The following ABCA5 variants were observed in gnomAD, a reference collection of about 807,000 sequenced individuals.
ABCA5 encodes cholesterol transporter ABCA5.
Under a neutral mutation model 206.0 loss-of-function variants are expected in ABCA5, and 163 were observed. The ratio of observed to expected loss-of-function variants is 0.79; its 90% CI spans 0.70 to 0.90. The LOEUF is 0.90. Among genes scored for constraint, ABCA5 ranks in the 40% least tolerant of loss-of-function variants. The pLI is 0.00. For synonymous variants in ABCA5, 609 were observed against 613.8 expected, an observed-to-expected ratio of 0.99 and a Z score of 0.11; for missense variants, 1,859 against 1,912.9, an observed-to-expected ratio of 0.97 and a Z score of 0.53.
chr17:69,279,321 AC>A, intron 18 of ABCA5, among the ~76,000 whole-genome samples: 1 of 152,270 alleles, frequency 6.6e-6, no homozygotes, highest in Non-Finnish European at 1.5e-5. Context: ...AATCCAACTT[AC>A]GAGGGATGTG....
chr17:69,255,848 T>G lies in ABCA5; in HGVS notation c.3861A>C (p.Lys1287Asn). 1 of 1,546,570 alleles carries G rather than the reference T, an allele frequency of 6.5e-7. No individual in the cohort carries two copies. The highest frequency in any genetic ancestry group is 8.7e-7 in the Non-Finnish European group (1 of 1,146,252). Residue 1287 changes from lysine to asparagine, a missense_variant and splice_region_variant, in exon 30 of 39, where the codon AAA becomes AAC. Coordinates refer to ENST00000392676, the MANE Select transcript of ABCA5 (RefSeq NM_172232.4). Reference protein sequence around the residue: ...ELMGCQCCEEKPSIMVSNLHK... With the variant: ...ELMGCQCCEENPSIMVSNLHK... ...GCAAATTGCTGACCATAATGGATGG[T>G]TTCTAATAAGAAAAATTGTATTTAA...
chr17:69,293,901 T>TGTGTGTGTGTGTG, intron 11 of ABCA5, among the ~76,000 whole-genome samples: 1 of 150,722 alleles, frequency 6.6e-6, no homozygotes, highest in African/African-American at 2.4e-5. Flanking sequence ...TGTGTGTGTA[T>TGTGTGTGTGTGTG]TCTATTGGTT....
At chr17:69,302,190 A>G (rs4310936) in intron 8 of ABCA5, among the ~76,000 whole-genome samples, 59,569 of 151,614 alleles carry the variant, frequency 0.39, 12,528 homozygotes, top group Middle Eastern at 0.51. Context: ...TCTTCCATTT[A>G]GAACCTAACT....
chr17:69,252,957 T>C (rs1284199227), intron 34 of ABCA5, among the ~76,000 whole-genome samples: 2 of 152,180 alleles, frequency 1.3e-5, no homozygotes, highest in African/African-American at 4.8e-5. Context: ...TATAATACTT[T>C]TATAATGTAT....
chr17:69,287,920 A>G (rs2075477735), intron 14 of ABCA5, among the ~76,000 whole-genome samples, 169 bp from the exon 15 acceptor site: 1 of 152,252 alleles, frequency 6.6e-6, no homozygotes, highest in Non-Finnish European at 1.5e-5. Context: ...TTTTAAAATT[A>G]TAAATTTGAC....
At chr17:69,295,153 C>T (rs1311196627) in intron 10 of ABCA5, among the ~76,000 whole-genome samples, 4 of 152,026 alleles carry the variant, frequency 2.6e-5, no homozygotes, top group South Asian at 2.1e-4. Flanking sequence ...TTATCAATGC[C>T]GTCAGTTCAC....
At chr17:69,277,976 G>T in intron 18 of ABCA5, 134 bp from the exon 19 acceptor site, 1 of 622,718 alleles carries the variant, frequency 1.6e-6, no homozygotes, top group Non-Finnish European at 2.6e-6. Flanking sequence ...TATTCTGGCA[G>T]TATCTATTAA....
chr17:69,322,201 C>A (rs558914309), intron 1 of ABCA5, among the ~76,000 whole-genome samples: 14 of 151,810 alleles, frequency 9.2e-5, no homozygotes, highest in Middle Eastern at 3.4e-3. Context: ...GAAACCCTGT[C>A]TCTACTAAAA....
At chr17:69,301,352 T>G in intron 8 of ABCA5, 66 bp from the exon 9 acceptor site, 1 of 1,388,006 alleles carries the variant, frequency 7.2e-7, no homozygotes, top group Non-Finnish European at 9.8e-7. Context: ...CTAACACTAC[T>G]TAAGAGTTAT....
At chr17:69,299,844 T>C (rs1368702795) in intron 9 of ABCA5, among the ~76,000 whole-genome samples, 2 of 151,792 alleles carry the variant, frequency 1.3e-5, no homozygotes, top group Non-Finnish European at 2.9e-5. Context: ...CAAAAATCTA[T>C]TAAAAAATAA....
chr17:69,290,201 A>T (rs1394073884), intron 12 of ABCA5, among the ~76,000 whole-genome samples, 164 bp from the exon 13 acceptor site: 2 of 152,178 alleles, frequency 1.3e-5, no homozygotes, highest in African/African-American at 2.4e-5. Context: ...GGTGATCCGC[A>T]TCCACTTATA....
chr17:69,286,852 CAT>C (rs1265748595), intron 15 of ABCA5, among the ~76,000 whole-genome samples: 2 of 152,332 alleles, frequency 1.3e-5, no homozygotes, highest in African/African-American at 4.8e-5. Flanking sequence ...TATTAAAAGT[CAT>C]GTGTTGACTT....
intron 15 of ABCA5, among the ~76,000 whole-genome samples, chr17:69,286,591 A>G (rs1055389977): frequency 1.4e-4 from 22 of 152,190 alleles, no homozygotes; most frequent in African/African-American, 4.6e-4. Context: ...TCTACTTACC[A>G]TATGTTATTC....
intron 31 of ABCA5, among the ~76,000 whole-genome samples, chr17:69,254,855 T>C (rs1422665716): frequency 2.0e-5 from 3 of 152,088 alleles, no homozygotes; most frequent in African/African-American, 4.8e-5. Context: ...TGTTTGATGA[T>C]GGAAGGACAT....
In ABCA5 at chr17:69,274,839, C is replaced by CTTTTTTTTTT. The variant is rs3052556; in HGVS notation, c.2595-721_2595-712dup. On this transcript the variant is annotated intron_variant, in intron 19 of 38. Transcript: ENST00000392676. ...GTCCTGTCTCTATCTTAACCATTTACTTTTTTTTTTTTTTTTTTTTTTGAG... is the reference window on the plus strand; with the variant it reads ...GTCCTGTCTCTATCTTAACCATTTACTTTTTTTTTTTTTTTTTTTTTTTTTTTTTTTTGAG... Among the ~76,000 whole-genome samples the CTTTTTTTTTT allele has an allele frequency of 5.6e-3, 480 of 85,728 alleles. 43 individuals are homozygous for CTTTTTTTTTT. Among genetic ancestry groups the CTTTTTTTTTT allele is most frequent in the African/African-American group, 7.5e-3 (170 of 22,726 alleles). 56.2% of individuals were successfully genotyped at this position (85,728 alleles called of 152,430 possible). A position where few individuals can be genotyped will look rare whatever the true frequency, so the allele number is the denominator to read the frequency against.
chr17:69,250,543 T>C lies in ABCA5; in HGVS notation c.4614A>G (p.Ile1538Met). The change falls in exon 36 of 39, where the codon ATA becomes ATG. Residue 1538 changes from isoleucine to methionine, a missense_variant. Physicochemically the swap from Ile to Met is conservative, Grantham distance 10. Transcript: ENST00000392676. ...YFLEIKLKDWIENLEVDRLQR... is the reference protein window; with the variant it reads ...YFLEIKLKDWMENLEVDRLQR... ...GAAGGCGGTCTACTTCTAGGTTTTC[T>C]ATCCAGTCCTTCAATTTAATTTCCA... 1 of 1,605,442 alleles carries C rather than the reference T, an allele frequency of 6.2e-7. No homozygotes were observed. The highest frequency in any genetic ancestry group is 1.1e-5 in the South Asian group (1 of 89,360).
intron 6 of ABCA5, among the ~76,000 whole-genome samples, chr17:69,305,992 C>T (rs1034286450): frequency 3.9e-5 from 6 of 152,064 alleles, no homozygotes; most frequent in African/African-American, 1.4e-4. Context: ...TTACATTGGG[C>T]TAATTGGAAT....
intron 12 of ABCA5, 117 bp from the exon 13 acceptor site, chr17:69,290,154 T>C: frequency 6.0e-6 from 4 of 661,846 alleles, no homozygotes; most frequent in East Asian, 3.1e-5. Context: ...AAAATTAATA[T>C]AAATTTACAA....
intron 6 of ABCA5, among the ~76,000 whole-genome samples, chr17:69,305,248 A>G (rs2145021796): frequency 6.6e-6 from 1 of 152,294 alleles, no homozygotes; most frequent in East Asian, 1.9e-4. Flanking sequence ...TTACCTCACT[A>G]ATCAATGACA....
Sources: gnomAD v4.1 joint callset for allele counts (sites outside exome capture counted in the v4.1 genomes callset) on GRCh38, gnomAD v4.1.1 for gene constraint, MANE v1.5 for transcripts, NCBI Gene and HGNC (gene_info 2026-07-23, HGNC 2026-07-21) for gene names.